The following NRDE2 variants were observed in gnomAD, a reference collection of about 807,000 sequenced individuals.
NRDE2 encodes the protein NRDE-2, necessary for RNA interference, domain containing.
In NRDE2, 76 loss-of-function variants were observed where a neutral mutation model predicts 124.2. That is an observed-to-expected ratio of 0.61 (90% CI 0.51 to 0.74). The LOEUF (loss-of-function observed/expected upper bound fraction) is 0.74. Among genes scored for constraint, NRDE2 ranks in the 30% least tolerant of loss-of-function variants. NRDE2 has a pLI of 0.00. For missense variants in NRDE2, 1,314 were observed against 1,417.3 expected (o/e 0.93, Z 1.17); for synonymous variants, 489 against 528.1 (o/e 0.93, Z 1.01).
Position 90,276,771 on chromosome 14 carries a change from G to A in NRDE2, c.*1565C>T, listed in dbSNP as rs1891814336. The A allele has an allele frequency of 1.3e-5, 2 of 152,276 alleles. No individual in the cohort carries two copies. Among genetic ancestry groups the A allele is most frequent in the Non-Finnish European group, 2.9e-5 (2 of 68,128 alleles). The allele number at this position is 152,276 out of a possible 1,614,324, so 9.4% of individuals were successfully genotyped here. On this transcript the variant is annotated 3_prime_UTR_variant, in exon 14 of 14. Transcript: ENST00000354366. ...CTGATCAGAGGCCACGCCCTTCTAA[G>A]TTCTGAACCAGATGAGAAGAGACAT...
intron 1 of NRDE2, among the ~76,000 whole-genome samples, chr14:90,323,068 A>G (rs1190373403): frequency 6.6e-6 from 1 of 152,192 alleles, no homozygotes; most frequent in East Asian, 1.9e-4. Context: ...TCTGCCATAC[A>G]TTGTATTATG....
chr14:90,290,719 A>C, intron 9 of NRDE2, 112 bp from the exon 10 acceptor site: 1 of 1,269,594 alleles, frequency 7.9e-7, no homozygotes, highest in South Asian at 1.6e-5. Context: ...AAATTAAATC[A>C]ATTTTAAACA....
chr14:90,307,839 C>T (rs1036501457), intron 4 of NRDE2, among the ~76,000 whole-genome samples: 13 of 152,246 alleles, frequency 8.5e-5, no homozygotes, highest in Non-Finnish European at 1.6e-4. Context: ...TAGCTCACTG[C>T]AGCCTCAAAA....
chr14:90,311,034 T>C (rs1182919681), intron 4 of NRDE2, among the ~76,000 whole-genome samples: 1 of 152,180 alleles, frequency 6.6e-6, no homozygotes, highest in African/African-American at 2.4e-5. Flanking sequence ...GAAATTTTAG[T>C]TGGAATTGCT....
intron 13 of NRDE2, chr14:90,278,733 T>C: frequency 1.9e-6 from 1 of 540,320 alleles, no homozygotes; most frequent in Non-Finnish European, 3.3e-6. Context: ...GTTTCACTTC[T>C]GAGTGTCACC....
At chr14:90,301,826 T>G (rs1884413069) in intron 6 of NRDE2, 1 of 456,112 alleles carries the variant, frequency 2.2e-6, no homozygotes, top group East Asian at 6.9e-5. Context: ...CAAGGTTCCA[T>G]GTCTGAACAT....
chr14:90,303,793 G>T, intron 5 of NRDE2, 142 bp downstream of exon 5: 1 of 745,196 alleles, frequency 1.3e-6, no homozygotes, highest in Non-Finnish European at 2.2e-6. Context: ...AGCGAGCTCA[G>T]GGCAAAGGCT....
intron 1 of NRDE2, among the ~76,000 whole-genome samples, chr14:90,329,988 C>T (rs1327320713): frequency 1.3e-5 from 2 of 151,432 alleles, no homozygotes; most frequent in African/African-American, 4.9e-5. Flanking sequence ...GGGCGAATCA[C>T]TTAAAGTTAG....
In NRDE2 at chr14:90,288,706, C is replaced by T; in HGVS notation, c.2669G>A (p.Cys890Tyr). 6.2e-7 allele frequency: 1 copy of T among 1,614,150 alleles called. No individual in the cohort carries two copies. The highest frequency in any genetic ancestry group is 8.5e-7 in the Non-Finnish European group (1 of 1,180,038). The change falls in exon 11 of 14, where the codon TGT (cysteine) becomes TAT (tyrosine). Residue 890 changes from cysteine to tyrosine, a missense_variant. By Grantham distance (194) the Cys-to-Tyr change is radical (BLOSUM62 -2). Coordinates refer to ENST00000354366, the MANE Select transcript of NRDE2 (RefSeq NM_017970.4). The stretch of plus-strand genomic sequence containing the variant: ...ATCGGTGGGAGCTGGATTGGAGACA[C>T]AGCTGTCACCCAAACAGTCCTGCAG... ...HALQDCLGDS[C>Y]VSNPAPTDSC...
At chr14:90,313,507 G>A (rs570475953) in intron 3 of NRDE2, among the ~76,000 whole-genome samples, 217 of 152,164 alleles carry the variant, frequency 1.4e-3, no homozygotes, top group African/African-American at 5.1e-3. Context: ...GCAGAATCAC[G>A]AGGCTCCCCT....
chr14:90,275,329 A>T lies in NRDE2; in HGVS notation c.*3007T>A, dbSNP rs1376576422. On this transcript the variant is annotated 3_prime_UTR_variant, in exon 14 of 14. Transcript: ENST00000354366. Reference sequence around the variant, plus strand: ...AGTGTCTGTATCGTGGGCGGGTAGCAGACTCTCAGCAACTGACTCACACGG... The same window carrying T: ...AGTGTCTGTATCGTGGGCGGGTAGCTGACTCTCAGCAACTGACTCACACGG... 6.6e-6 allele frequency: 1 copy of T among 152,178 alleles called. No individual in the cohort carries two copies. Among genetic ancestry groups the T allele is most frequent in the Non-Finnish European group, 1.5e-5 (1 of 68,044 alleles). 9.4% of individuals were successfully genotyped at this position (152,178 alleles called of 1,614,324 possible).
chr14:90,287,389 G>A (rs974553563), intron 11 of NRDE2, among the ~76,000 whole-genome samples: 4 of 152,006 alleles, frequency 2.6e-5, no homozygotes, highest in Admixed American at 2.0e-4. Flanking sequence ...AGGCTGAGAC[G>A]GGTAGATCGC....
intron 1 of NRDE2, among the ~76,000 whole-genome samples, chr14:90,326,586 A>G (rs1014107965): frequency 6.6e-5 from 10 of 152,066 alleles, no homozygotes; most frequent in Admixed American, 3.3e-4. Flanking sequence ...CCATGGGCTA[A>G]TGAAAATGTT....
intron 12 of NRDE2, among the ~76,000 whole-genome samples, chr14:90,283,753 A>G (rs1295427743): frequency 6.9e-6 from 1 of 145,324 alleles, no homozygotes; most frequent in Non-Finnish European, 1.5e-5. Context: ...TCTGTCGCCC[A>G]GGCTGGAGTA....
chr14:90,289,169 A>G, intron 10 of NRDE2, 24 bp from the exon 11 acceptor site: 1 of 1,567,698 alleles, frequency 6.4e-7, no homozygotes, highest in East Asian at 2.3e-5. Flanking sequence ...GAGAAGAATG[A>G]CTGCAGGTGC....
chr14:90,317,419 A>C (rs1281547678), intron 2 of NRDE2, among the ~76,000 whole-genome samples: 2 of 152,202 alleles, frequency 1.3e-5, no homozygotes, highest in Non-Finnish European at 2.9e-5. Context: ...GAAATATCTA[A>C]TATCTACCAA....
intron 8 of NRDE2, among the ~76,000 whole-genome samples, chr14:90,296,069 C>G (rs1884136313): frequency 6.6e-6 from 1 of 152,170 alleles, no homozygotes; most frequent in Admixed American, 6.6e-5. Flanking sequence ...GTGGACACTG[C>G]TATGAAAACT....
chr14:90,328,239 G>A (rs148713903), intron 1 of NRDE2, among the ~76,000 whole-genome samples: 2,668 of 150,704 alleles, frequency 0.018, 70 homozygotes, highest in African/African-American at 0.061. Flanking sequence ...CCCAAGAGGC[G>A]GAGGTTGCAG....
At position 90,286,460 on chromosome 14, in the gene NRDE2, G is replaced by C. The variant is rs758440381; in HGVS notation, c.3191C>G (p.Pro1064Arg). The change falls in exon 12 of 14, where the codon CCT (proline) becomes CGT (arginine). Residue 1064 changes from proline to arginine, a missense_variant. Pro to Arg is a moderately radical substitution (Grantham distance 103, BLOSUM62 -2). Transcript: ENST00000354366. ...LDGREIHATIPETGLMHRIQA... is the reference protein window; with the variant it reads ...LDGREIHATIRETGLMHRIQA... ...GATCCGATGCATTAAGCCGGTCTCAGGAATTGTGGCGTGGATCTCTCTACC... is the reference window on the plus strand; with the variant it reads ...GATCCGATGCATTAAGCCGGTCTCACGAATTGTGGCGTGGATCTCTCTACC... 7 of 1,613,952 alleles carry C rather than the reference G, an allele frequency of 4.3e-6. No individual in the cohort carries two copies. The highest frequency in any genetic ancestry group is 1.3e-5 in the African/African-American group (1 of 74,888).
Sources: gnomAD v4.1 joint callset for allele counts (sites outside exome capture counted in the v4.1 genomes callset) on GRCh38, gnomAD v4.1.1 for gene constraint, MANE v1.5 for transcripts, NCBI Gene and HGNC (gene_info 2026-07-23, HGNC 2026-07-21) for gene names.